Variants in COG5 observed in about 807,000 individuals in gnomAD.
The protein encoded by COG5 is conserved oligomeric Golgi complex subunit 5.
COG5 carries 86 observed loss-of-function variants against 110.4 expected under a neutral mutation model. The ratio of observed to expected loss-of-function variants is 0.78; its 90% confidence interval spans 0.65 to 0.93. The LOEUF (loss-of-function observed/expected upper bound fraction) is 0.93, where lower values mean the gene tolerates loss of function less well. Among genes scored for constraint, COG5 ranks in the 40% least tolerant of loss-of-function variants. The pLI is 0.00. For synonymous variants in COG5, 360 were observed against 334.6 expected (o/e 1.08, Z -0.83); for missense variants, 1,077 against 987.0 (o/e 1.09, Z -1.22).
In COG5 at chr7:107,474,279, C is replaced by A; in HGVS notation, c.538+52958G>T. ...TTTACTGCATGAAATCCAACTTAAT[C>A]AACTCTGTCAGTAACATTATTACAA... On this transcript the variant is annotated intron_variant, in intron 6 of 21. Transcript: ENST00000297135. This position sits in a 1 kb window ranked among gnomAD's most constrained non-coding sequence, Gnocchi z 5.7. 1.2e-6 allele frequency: 2 copies of A among 1,611,628 alleles called. No homozygotes were observed. The highest frequency in any genetic ancestry group is 2.2e-5 in the South Asian group (2 of 90,996).
At chr7:107,307,572 C>G (rs1007296857) in intron 11 of COG5, among the ~76,000 whole-genome samples, 7 of 152,160 alleles carry the variant, frequency 4.6e-5, no homozygotes, top group African/African-American at 1.7e-4. Flanking sequence ...TATCATTTCA[C>G]TCATAATCAC....
chr7:107,414,098 C>T (rs1792517525), intron 6 of COG5, among the ~76,000 whole-genome samples: 2 of 152,114 alleles, frequency 1.3e-5, no homozygotes, highest in Non-Finnish European at 2.9e-5. Flanking sequence ...ATGTAAAAAT[C>T]ATAACAGATA....
intron 6 of COG5, among the ~76,000 whole-genome samples, chr7:107,510,050 T>C (rs1485840324): frequency 1.3e-5 from 2 of 152,060 alleles, no homozygotes; most frequent in African/African-American, 4.8e-5. Flanking sequence ...CACATAACAA[T>C]ATTAACCTTA....
At chr7:107,272,389 A>G (rs553117517) in intron 14 of COG5, among the ~76,000 whole-genome samples, 14 of 152,228 alleles carry the variant, frequency 9.2e-5, no homozygotes, top group Non-Finnish European at 1.6e-4. Context: ...CATCTTACAT[A>G]TGTTGATTGA....
intron 6 of COG5, among the ~76,000 whole-genome samples, chr7:107,435,709 T>C (rs1175503873): frequency 6.6e-6 from 1 of 152,112 alleles, no homozygotes; most frequent in Non-Finnish European, 1.5e-5. Context: ...ACATGTAAAA[T>C]GATGCAGTTT....
chr7:107,511,092 T>A (rs186108957), intron 6 of COG5, among the ~76,000 whole-genome samples: 1 of 147,662 alleles, frequency 6.8e-6, no homozygotes, highest in Non-Finnish European at 1.5e-5. Flanking sequence ...TTCAAAAAAT[T>A]AATGAATCCA....
intron 10 of COG5, among the ~76,000 whole-genome samples, chr7:107,348,590 G>A (rs1284746940): frequency 6.6e-6 from 1 of 151,938 alleles, no homozygotes; most frequent in Non-Finnish European, 1.5e-5. Flanking sequence ...TTTTCTTATT[G>A]TCCTCTTATT....
intron 10 of COG5, among the ~76,000 whole-genome samples, chr7:107,326,765 G>C (rs1249366639): frequency 4.6e-5 from 7 of 151,964 alleles, no homozygotes; most frequent in Non-Finnish European, 1.5e-5. Flanking sequence ...CATTTTTGCA[G>C]AAATAAAAAA....
chr7:107,230,734 A>T, intron 18 of COG5, 43 bp from the exon 19 acceptor site: 1 of 1,450,336 alleles, frequency 6.9e-7, no homozygotes, highest in Non-Finnish European at 9.7e-7. Flanking sequence ...TGTCAGAATC[A>T]TTAGGGGAAT....
chr7:107,459,942 G>A (rs1172560846), intron 6 of COG5, among the ~76,000 whole-genome samples: 1 of 151,998 alleles, frequency 6.6e-6, no homozygotes, highest in African/African-American at 2.4e-5. Context: ...ATTTTCAAGA[G>A]TACACAGCAC....
intron 6 of COG5, among the ~76,000 whole-genome samples, chr7:107,432,371 T>C (rs1315407259): frequency 6.6e-6 from 1 of 152,168 alleles, no homozygotes; most frequent in Non-Finnish European, 1.5e-5. Flanking sequence ...TGATAAAATA[T>C]GCCAGGCTGC....
intron 5 of COG5, among the ~76,000 whole-genome samples, chr7:107,541,226 G>A (rs1470192146): frequency 6.6e-6 from 1 of 151,528 alleles, no homozygotes; most frequent in Admixed American, 6.6e-5. Context: ...GCCGGACACA[G>A]TGGCTCATAC....
At chr7:107,462,436 G>GA (rs978672768) in intron 6 of COG5, among the ~76,000 whole-genome samples, 1 of 152,054 alleles carries the variant, frequency 6.6e-6, no homozygotes, top group Non-Finnish European at 1.5e-5. Context: ...AGGCTTGAGG[G>GA]AAGCATGAAG....
At chr7:107,290,413 C>T (rs1806064811) in intron 12 of COG5, among the ~76,000 whole-genome samples, 1 of 152,112 alleles carries the variant, frequency 6.6e-6, no homozygotes, top group Admixed American at 6.6e-5. Flanking sequence ...GTCTCAGACA[C>T]TTTTTGTTTT....
At chr7:107,230,715 T>C (rs747209171) in intron 18 of COG5, 24 bp from the exon 19 acceptor site, 3 of 1,531,702 alleles carry the variant, frequency 2.0e-6, no homozygotes, top group East Asian at 2.2e-5. Context: ...ATATACTCCA[T>C]TGTTGTAATG....
intron 17 of COG5, among the ~76,000 whole-genome samples, chr7:107,242,824 G>C (rs1801749160): frequency 1.3e-5 from 2 of 152,124 alleles, no homozygotes; most frequent in African/African-American, 4.8e-5. Flanking sequence ...CAGTGAGTGA[G>C]TGCTAACATG....
chr7:107,363,809 G>T (rs539182056), intron 8 of COG5, among the ~76,000 whole-genome samples: 1 of 152,138 alleles, frequency 6.6e-6, no homozygotes, highest in East Asian at 1.9e-4. Flanking sequence ...TACAGAATTA[G>T]CCAGGCATGG....
At position 107,547,817 on chromosome 7, in the gene COG5, T is replaced by C. The variant is rs540196116; in HGVS notation, c.417+294A>G. On this transcript the variant is annotated intron_variant, in intron 5 of 21. Transcript: ENST00000297135. The stretch of plus-strand genomic sequence containing the variant: ...CAAAAAAAAAAAGTTAGAAATAAAT[T>C]TAACCAAGGAGGTGAAGCATCTATA... Among the ~76,000 whole-genome samples, 5 of 152,204 alleles carry C rather than the reference T, an allele frequency of 3.3e-5. No homozygotes were observed. In the South Asian group the frequency reaches 1.0e-3, roughly 32 times the overall value.
intron 6 of COG5, among the ~76,000 whole-genome samples, chr7:107,479,973 T>C (rs1290455170): frequency 6.6e-6 from 1 of 152,170 alleles, no homozygotes; most frequent in African/African-American, 2.4e-5. Flanking sequence ...GAATAACTTA[T>C]TATGGGCATC....
Sources: allele counts gnomAD v4.1 joint callset (sites outside exome capture counted in the v4.1 genomes callset), GRCh38; gene constraint gnomAD v4.1.1; non-coding constraint Gnocchi (gnomAD v3.1); transcripts MANE v1.5; gene names NCBI Gene and HGNC (gene_info 2026-07-23, HGNC 2026-07-21).